Variants in SPATA22 observed in about 807,000 individuals in gnomAD.
The protein encoded by SPATA22 is spermatogenesis associated 22.
Under a neutral mutation model 47.8 loss-of-function variants are expected in SPATA22, and 29 were observed. The observed-to-expected ratio is 0.61, with a 90% CI of 0.45 to 0.83. The LOEUF (loss-of-function observed/expected upper bound fraction) is 0.83. Ranked by LOEUF, SPATA22 falls within the 40% of genes least tolerant of loss-of-function variation. The pLI, the probability that SPATA22 is intolerant of heterozygous loss-of-function variation, is 0.00. For missense variants in SPATA22, 410 were observed against 421.7 expected (o/e 0.97, Z 0.24); for synonymous variants, 133 against 140.9 (o/e 0.94, Z 0.40).
intron 8 of SPATA22, chr17:3,440,956 T>G (rs1204175083): frequency 1.3e-5 from 2 of 151,918 alleles, no homozygotes; most frequent in Admixed American, 1.3e-4. Flanking sequence ...ATCTTAGGCG[T>G]CCAAGGAAAA....
chr17:3,479,355 G>A (rs981452292), intron 1 of SPATA22, among the ~76,000 whole-genome samples: 3 of 152,128 alleles, frequency 2.0e-5, no homozygotes, highest in African/African-American at 7.2e-5. Context: ...ATTGTCGGGC[G>A]CGACCTCAGG....
chr17:3,498,527 T>C (rs952250980), intron 1 of SPATA22, among the ~76,000 whole-genome samples: 1 of 152,056 alleles, frequency 6.6e-6, no homozygotes, highest in African/African-American at 2.4e-5. Flanking sequence ...TTTCGTATTT[T>C]TTCTAGAGAT....
intron 5 of SPATA22, among the ~76,000 whole-genome samples, chr17:3,452,485 G>A (rs66798047): frequency 0.23 from 35,495 of 151,664 alleles, 4,425 homozygotes; most frequent in East Asian, 0.43. Context: ...CCAGCTACTC[G>A]GGAGGCTGAG....
rs1043736394 is a variant in SPATA22 at position 3,485,301 on chromosome 17, C to T, written c.-73-15903G>A. On this transcript the variant is annotated intron_variant, in intron 1 of 8. Coordinates refer to the SPATA22 transcript ENST00000541913. The surrounding 1 kb of genome is among the most constrained non-coding windows in gnomAD (Gnocchi z 4.4). ...CTGGGATTACAAGCGTGAGCCACCACACCTGTACCTCATTCACAGTTTTAA... is the reference window on the plus strand; with the variant it reads ...CTGGGATTACAAGCGTGAGCCACCATACCTGTACCTCATTCACAGTTTTAA... Among the ~76,000 whole-genome samples the T allele has an allele frequency of 3.9e-5, 6 of 152,280 alleles. No homozygotes were observed. The highest frequency in any genetic ancestry group is 4.1e-4 in the South Asian group (2 of 4,824).
Position 3,446,680 on chromosome 17 carries a change from T to A in SPATA22, c.673-79A>T, listed in dbSNP as rs900124517. On this transcript the variant is annotated intron_variant, in intron 6 of 8. Coordinates refer to ENST00000572969, the MANE Select transcript of SPATA22 (RefSeq NM_001170698.2). ...TACTCGTTTACCTTCTACGTAAAAA[T>A]TCTAAGTCCTTACAATGGACAAGTG... 2.1e-5 allele frequency: 24 copies of A among 1,160,056 alleles called. No individual in the cohort carries two copies. In the African/African-American group the frequency reaches 3.7e-4, roughly 18 times the overall value. The allele number at this position is 1,160,056 out of a possible 1,614,324, so 71.9% of individuals were successfully genotyped here.
chr17:3,462,081 G>T (rs2150722055), intron 5 of SPATA22, among the ~76,000 whole-genome samples: 1 of 152,206 alleles, frequency 6.6e-6, no homozygotes, highest in South Asian at 2.1e-4. Context: ...CTTGAAGCCG[G>T]CTGTCTTACA....
intron 1 of SPATA22, among the ~76,000 whole-genome samples, chr17:3,497,856 C>G (rs1421736507): frequency 2.6e-5 from 4 of 152,180 alleles, no homozygotes; most frequent in African/African-American, 4.8e-5. Context: ...CACCCCCAAC[C>G]TATAGAATCA....
At chr17:3,458,966 T>C (rs1017089173) in intron 5 of SPATA22, among the ~76,000 whole-genome samples, 3 of 150,330 alleles carry the variant, frequency 2.0e-5, no homozygotes, top group African/African-American at 7.4e-5. Flanking sequence ...ATTCAGACAT[T>C]AAAAAGAAGT....
chr17:3,495,311 C>CA (rs2073891562), intron 1 of SPATA22, among the ~76,000 whole-genome samples: 1 of 152,116 alleles, frequency 6.6e-6, no homozygotes. Flanking sequence ...TAAAAAACAT[C>CA]ATAATAGCAA....
chr17:3,512,503 T>C (rs1216585638), intron 1 of SPATA22: 1 of 152,254 alleles, frequency 6.6e-6, no homozygotes, highest in African/African-American at 2.4e-5. Flanking sequence ...CGCCATGTTA[T>C]CTGAAGGCCA....
chr17:3,508,088 A>G (rs1004423729), intron 1 of SPATA22, among the ~76,000 whole-genome samples: 4 of 152,212 alleles, frequency 2.6e-5, no homozygotes, highest in African/African-American at 9.7e-5. Context: ...ATAATTCACC[A>G]AATGCAGTAT....
intron 8 of SPATA22, 119 bp from the exon 9 acceptor site, chr17:3,440,457 G>A (rs560648605): frequency 2.7e-5 from 21 of 780,850 alleles, no homozygotes; most frequent in Admixed American, 2.3e-4. Flanking sequence ...ATTCCTTCAC[G>A]TGAGTCAGGG....
chr17:3,442,182 A>G (rs955742851), intron 8 of SPATA22, among the ~76,000 whole-genome samples: 7 of 152,058 alleles, frequency 4.6e-5, no homozygotes, highest in African/African-American at 1.7e-4. Flanking sequence ...CAGACTAGAT[A>G]AAAATAATAC....
At chr17:3,459,597 G>A (rs762729531) in intron 5 of SPATA22, among the ~76,000 whole-genome samples, 7 of 152,044 alleles carry the variant, frequency 4.6e-5, no homozygotes, top group Admixed American at 4.6e-4. Context: ...TGGTAGAGAC[G>A]GGGTTTCCCC....
rs199809213 is a variant in SPATA22, at chr17:3,446,514, G to C, written c.760C>G (p.Arg254Gly). ...SAVIESMKYWREHAQKTVLLF... is the reference protein window; with the variant it reads ...SAVIESMKYWGEHAQKTVLLF... ...AGTACAGTTTTCTGTGCATGTTCAC[G>C]CCAATACTTCATGCTTTCAATAACT... Residue 254 changes from arginine to glycine, a missense_variant, in exon 7 of 9, where the codon CGT becomes GGT. By Grantham distance (125) the Arg-to-Gly change is moderately radical. Coordinates refer to ENST00000572969, the MANE Select transcript of SPATA22 (RefSeq NM_001170698.2). 3 of 1,608,376 alleles carry C rather than the reference G, an allele frequency of 1.9e-6. No homozygotes were observed. In the African/African-American group the frequency reaches 4.0e-5, roughly 22 times the overall value.
intron 5 of SPATA22, among the ~76,000 whole-genome samples, chr17:3,456,225 C>CA (rs1485367020): frequency 2.0e-5 from 3 of 151,312 alleles, no homozygotes; most frequent in South Asian, 2.1e-4. Context: ...AATAGAGACA[C>CA]AAAAAACCCT....
Position 3,467,547 on chromosome 17 carries a change from C to T in SPATA22, c.51G>A (p.Leu17=), listed in dbSNP as rs80115425. Reference sequence around the variant, plus strand: ...TTTTCTGATTGAACAACGGAACAGGCAAACAGCCTAAATTGAATGTACCAA... The same window carrying T: ...TTTTCTGATTGAACAACGGAACAGGTAAACAGCCTAAATTGAATGTACCAA... The part of the protein sequence containing the change: ...ENSARSTAGC[L]PVPLFNQKKR... The change falls in exon 3 of 9, where the codon TTG becomes TTA. Residue 17 remains leucine (L), a synonymous_variant. Coordinates refer to ENST00000572969, the MANE Select transcript of SPATA22 (RefSeq NM_001170698.2). 5.0e-6 allele frequency: 8 copies of T among 1,603,872 alleles called. No homozygotes were observed. Among genetic ancestry groups the T allele is most frequent in the African/African-American group, 4.0e-5 (3 of 74,632 alleles).
intron 5 of SPATA22, among the ~76,000 whole-genome samples, chr17:3,450,800 T>C (rs1337763566): frequency 1.3e-5 from 2 of 152,176 alleles, no homozygotes; most frequent in Non-Finnish European, 2.9e-5. Flanking sequence ...TGATCACAGA[T>C]CATCATAACA....
chr17:3,507,017 G>A (rs2074047398), intron 1 of SPATA22, among the ~76,000 whole-genome samples: 1 of 134,930 alleles, frequency 7.4e-6, no homozygotes, highest in East Asian at 2.1e-4. Context: ...GGAGGGAGGG[G>A]AGGAGGGAGT....
Sources: allele counts gnomAD v4.1 joint callset (sites outside exome capture counted in the v4.1 genomes callset), GRCh38; gene constraint gnomAD v4.1.1; non-coding constraint Gnocchi (gnomAD v3.1); transcripts MANE v1.5; gene names NCBI Gene and HGNC (gene_info 2026-07-23, HGNC 2026-07-21).